ANK2: variants seen among roughly 807,000 people sequenced by gnomAD.
The protein encoded by ANK2 is ankyrin 2, also known as ankyrin-2.
A neutral mutation model predicts 360.5 loss-of-function variants in ANK2; 83 were observed. The ratio of observed to expected loss-of-function variants is 0.23; its 90% CI spans 0.19 to 0.28. The LOEUF (loss-of-function observed/expected upper bound fraction) is 0.28. Ranked by LOEUF, ANK2 falls within the 10% of genes least tolerant of loss-of-function variation. The probability of loss-of-function intolerance (pLI) is 1.00; values close to 1 mark genes in which losing one functional copy is unlikely to be tolerated. For missense variants in ANK2, 4,201 were observed against 4,795.7 expected (o/e 0.88, Z 3.66); for synonymous variants, 1,740 against 1,759.5 (o/e 0.99, Z 0.28).
chr4:112,975,305 T>C (rs1212297291), intron 2 of ANK2, among the ~76,000 whole-genome samples: 1 of 152,232 alleles, frequency 6.6e-6, no homozygotes, highest in African/African-American at 2.4e-5. Context: ...TCAACAATTT[T>C]ATTTATTTTT....
the ANK2 span, among the ~76,000 whole-genome samples, chr4:112,742,759 C>G: frequency 4.7e-5 from 7 of 149,334 alleles, no homozygotes; most frequent in Non-Finnish European, 1.0e-4. Context: ...GAGTCTTGCT[C>G]TGTTGCCAAG....
intron 1 of ANK2, among the ~76,000 whole-genome samples, chr4:112,863,707 A>C (rs1343668615): frequency 1.3e-5 from 2 of 151,784 alleles, no homozygotes; most frequent in South Asian, 2.1e-4. Flanking sequence ...TATTTTTAGT[A>C]GAGACGGGGT....
intron 5 of ANK2, among the ~76,000 whole-genome samples, chr4:113,232,795 TA>T (rs2153536919): frequency 6.6e-6 from 1 of 152,360 alleles, no homozygotes; most frequent in Non-Finnish European, 1.5e-5. Flanking sequence ...AGTCTAGTTT[TA>T]AAGAGTTCCA....
Position 113,354,942 on chromosome 4 carries a change from C to T in ANK2, c.6324C>T (p.Ser2108=), listed in dbSNP as rs765932856. The T allele has an allele frequency of 5.6e-6, 9 of 1,613,826 alleles. No homozygotes were observed. The highest frequency in any genetic ancestry group is 3.3e-5 in the Admixed American group (2 of 59,988). ...SVPEEESHRE[S]EVPKEKMADE... ...CTGAAGAAGAAAGCCACAGAGAGAG[C>T]GAAGTGCCCAAAGAAAAGATGGCTG... Residue 2108 remains serine (S), a synonymous_variant, in exon 38 of 46, where the codon AGC becomes AGT. Coordinates refer to ENST00000357077, the MANE Select transcript of ANK2 (RefSeq NM_001148.6).
chr4:113,135,236 T>C (rs181302945), intron 1 of ANK2, among the ~76,000 whole-genome samples: 10 of 152,256 alleles, frequency 6.6e-5, no homozygotes, highest in African/African-American at 2.4e-4. Flanking sequence ...AAGATACCTA[T>C]GAAAAATAAA....
intron 1 of ANK2, among the ~76,000 whole-genome samples, chr4:113,163,602 TA>T (rs2154404644): frequency 6.6e-6 from 1 of 151,268 alleles, no homozygotes; most frequent in South Asian, 2.1e-4. Flanking sequence ...CCATCTCTAC[TA>T]AAAATACAAA....
intron 13 of ANK2, among the ~76,000 whole-genome samples, chr4:113,259,894 G>A (rs1015770305): frequency 6.3e-5 from 9 of 143,624 alleles, no homozygotes; most frequent in African/African-American, 2.3e-4. Context: ...AACAACAACA[G>A]CAACCAACAA....
chr4:112,940,485 T>C (rs139944998), intron 2 of ANK2, among the ~76,000 whole-genome samples: 11 of 152,282 alleles, frequency 7.2e-5, no homozygotes, highest in Admixed American at 5.9e-4. Context: ...GATCTAATTA[T>C]TTTTAAAAAA....
At chr4:113,323,842 C>T (rs2153884374) in intron 26 of ANK2, 1 of 1,558,348 alleles carries the variant, frequency 6.4e-7, no homozygotes, top group South Asian at 1.2e-5. Flanking sequence ...CTATTCCTCT[C>T]CCCCTTTCGC....
chr4:113,009,499 C>G (rs771568343), intron 2 of ANK2, among the ~76,000 whole-genome samples: 11 of 151,936 alleles, frequency 7.2e-5, no homozygotes, highest in African/African-American at 1.5e-4. Flanking sequence ...AATTTAGAGC[C>G]CTGAAATATG....
intron 21 of ANK2, 38 bp from the exon 22 acceptor site, chr4:113,293,402 T>A (rs778958611): frequency 1.3e-5 from 21 of 1,575,086 alleles, no homozygotes; most frequent in Admixed American, 5.1e-5. Context: ...CAGTCCTCTC[T>A]CTTATTTCTC....
intron 37 of ANK2, among the ~76,000 whole-genome samples, chr4:113,351,594 T>C (rs114002696): frequency 0.02 from 3,079 of 152,250 alleles, 74 homozygotes; most frequent in African/African-American, 0.063. Flanking sequence ...TTTAAGTGAT[T>C]TTACTTTATT....
chr4:112,872,567 C>T (rs148518835), intron 1 of ANK2, among the ~76,000 whole-genome samples: 1,526 of 152,280 alleles, frequency 0.01, 15 homozygotes, highest in African/African-American at 0.026. Flanking sequence ...GAACCCCCAA[C>T]CTCAGGTGAT....
chr4:112,878,210 C>T (rs114143461), intron 1 of ANK2, among the ~76,000 whole-genome samples: 2,555 of 138,904 alleles, frequency 0.018, 36 homozygotes, highest in Middle Eastern at 0.032. Flanking sequence ...AATCTTCATC[C>T]GGCTGTCCAA....
chr4:113,216,813 T>C (rs190092049), intron 4 of ANK2, among the ~76,000 whole-genome samples: 22 of 152,288 alleles, frequency 1.4e-4, no homozygotes, highest in African/African-American at 4.3e-4. Flanking sequence ...CTTAAAGTTA[T>C]TGGGGCCCAA....
chr4:113,173,185 T>C (rs2098054981), intron 1 of ANK2, among the ~76,000 whole-genome samples: 1 of 152,236 alleles, frequency 6.6e-6, no homozygotes, highest in African/African-American at 2.4e-5. Context: ...GGTAACTTAG[T>C]TCTATGGTTT....
chr4:113,187,358 A>G (rs2098550076), intron 2 of ANK2, among the ~76,000 whole-genome samples: 1 of 152,228 alleles, frequency 6.6e-6, no homozygotes, highest in South Asian at 2.1e-4. Context: ...GTAACCTCAG[A>G]AGTTTTTCAA....
chr4:112,776,455 G>A, the ANK2 span, among the ~76,000 whole-genome samples: 23 of 152,154 alleles, frequency 1.5e-4, no homozygotes, highest in Admixed American at 5.2e-4. Context: ...ATTTTTCTCA[G>A]CCTTAACTCC....
chr4:113,011,137 G>C (rs2054582600), intron 2 of ANK2, among the ~76,000 whole-genome samples: 1 of 152,088 alleles, frequency 6.6e-6, no homozygotes, highest in Non-Finnish European at 1.5e-5. Flanking sequence ...GGATGGTGGA[G>C]CTGTATTTCA....
Sources: gnomAD v4.1 joint callset for allele counts (sites outside exome capture counted in the v4.1 genomes callset) on GRCh38, gnomAD v4.1.1 for gene constraint, MANE v1.5 for transcripts, NCBI Gene and HGNC (gene_info 2026-07-23, HGNC 2026-07-21) for gene names.